Variants in STXBP6 observed in about 807,000 individuals in gnomAD.
STXBP6 encodes the protein syntaxin-binding protein 6.
STXBP6 carries 21 observed loss-of-function variants against 26.9 expected under a neutral mutation model. The ratio of observed to expected loss-of-function variants is 0.78; its 90% confidence interval spans 0.55 to 1.12. STXBP6 has a LOEUF of 1.12. Among genes scored for constraint, STXBP6 ranks in the 50% most tolerant of loss-of-function variants. The pLI is 0.00. For missense variants in STXBP6, 232 were observed against 257.9 expected, an observed-to-expected ratio of 0.90 and a Z score of 0.69; for synonymous variants, 97 against 92.6, an observed-to-expected ratio of 1.05 and a Z score of -0.27.
rs1397517920 is a variant in STXBP6 at position 24,855,933 on chromosome 14, C to T, written c.451+3G>A. ...GACTAAAGTCACACAAATGTCCACT[C>T]ACCTCCCATAATTTTGGATTGGCAG... On this transcript the variant is annotated splice_donor_region_variant and intron_variant, in intron 4 of 5. Coordinates refer to ENST00000323944, the MANE Select transcript of STXBP6 (RefSeq NM_001394410.1). The T allele has an allele frequency of 1.9e-6, 3 of 1,597,668 alleles. No homozygotes were observed. The South Asian group carries it at 3.4e-5, about 18-fold the overall frequency.
At chr14:24,935,731 T>C (rs1233155125) in intron 2 of STXBP6, among the ~76,000 whole-genome samples, 1 of 152,222 alleles carries the variant, frequency 6.6e-6, no homozygotes, top group Admixed American at 6.5e-5. Flanking sequence ...AAAATACAAT[T>C]ATACTAGATT....
In STXBP6 at chr14:25,013,881, G is replaced by GA. The variant is rs1263756334; in HGVS notation, c.-33+35996dup. ...TACAAACTAAAGAGAAAAATAATGA[G>GA]AAAAACAAACAAATGTGAACACTGA... On this transcript the variant is annotated intron_variant, in intron 1 of 5. Coordinates refer to ENST00000323944, the MANE Select transcript of STXBP6 (RefSeq NM_001394410.1). Among the ~76,000 whole-genome samples the GA allele has an allele frequency of 2.6e-5, 4 of 152,194 alleles. No individual in the cohort carries two copies. In the East Asian group the frequency reaches 7.7e-4, roughly 29 times the overall value.
intron 1 of STXBP6, among the ~76,000 whole-genome samples, chr14:25,023,141 A>G (rs2075289354): frequency 6.6e-6 from 1 of 152,238 alleles, no homozygotes; most frequent in South Asian, 2.1e-4. Flanking sequence ...AGCGGGGATC[A>G]TTAAGATATG....
intron 1 of STXBP6, among the ~76,000 whole-genome samples, chr14:25,002,766 A>G (rs896546839): frequency 1.4e-5 from 2 of 148,110 alleles, no homozygotes; most frequent in Non-Finnish European, 3.0e-5. Context: ...TTAAATGTAC[A>G]GATTCTTTTT....
intron 1 of STXBP6, among the ~76,000 whole-genome samples, chr14:25,017,443 A>G (rs1595328258): frequency 1.3e-5 from 2 of 152,328 alleles, no homozygotes; most frequent in East Asian, 3.9e-4. Flanking sequence ...GCTTTTTAGG[A>G]AGCAGAAACT....
rs193174312 is a variant in STXBP6 at position 24,866,745 on chromosome 14, C to T, written c.155-9588G>A. 2.7e-5 allele frequency among the ~76,000 whole-genome samples: 4 copies of T among 150,706 alleles called. No homozygotes were observed. In the East Asian group the frequency reaches 8.0e-4, roughly 30 times the overall value. On this transcript the variant is annotated intron_variant, in intron 2 of 5. Coordinates refer to ENST00000323944, the MANE Select transcript of STXBP6 (RefSeq NM_001394410.1). ...CTCAAACAAACCATGGTATGTCTGT[C>T]CACAGGAATACTCTACAGATTCCAG... is the stretch of plus-strand genomic sequence containing the variant.
intron 2 of STXBP6, among the ~76,000 whole-genome samples, chr14:24,938,334 A>G (rs2072675273): frequency 6.6e-6 from 1 of 152,196 alleles, no homozygotes; most frequent in South Asian, 2.1e-4. Flanking sequence ...TCAGTCAGGC[A>G]AAGATTTTGT....
intron 1 of STXBP6, among the ~76,000 whole-genome samples, chr14:24,986,523 G>A (rs1254160218): frequency 6.6e-6 from 1 of 152,148 alleles, no homozygotes; most frequent in Non-Finnish European, 1.5e-5. Context: ...ACCATACCAG[G>A]AGCCTGGATC....
At chr14:24,955,572 T>C (rs978966977) in intron 2 of STXBP6, among the ~76,000 whole-genome samples, 2 of 152,190 alleles carry the variant, frequency 1.3e-5, no homozygotes, top group Non-Finnish European at 2.9e-5. Context: ...CATTAATCAC[T>C]AGCAAGGCTG....
At position 24,830,946 on chromosome 14, in the gene STXBP6, C is replaced by T. The variant is rs188795038; in HGVS notation, c.452-11752G>A. On this transcript the variant is annotated intron_variant, in intron 4 of 5. Coordinates refer to ENST00000323944, the MANE Select transcript of STXBP6 (RefSeq NM_001394410.1). ...AGAGGCAGCTATAAGAGTGTTAAGA[C>T]AATTTAATGGAAAAAAATTGTCTTT... 2.8e-3 allele frequency among the ~76,000 whole-genome samples: 431 copies of T among 152,184 alleles called. 4 individuals are homozygous for T. Among genetic ancestry groups the T allele is most frequent in the African/African-American group, 0.01 (419 of 41,534 alleles).
intron 1 of STXBP6, among the ~76,000 whole-genome samples, chr14:25,010,843 A>G (rs2075012029): frequency 1.3e-5 from 2 of 152,166 alleles, no homozygotes; most frequent in African/African-American, 2.4e-5. Flanking sequence ...AAATTTTGAC[A>G]AGACCAATGG....
intron 4 of STXBP6, among the ~76,000 whole-genome samples, chr14:24,838,638 C>T (rs550914232): frequency 2.0e-5 from 3 of 151,732 alleles, no homozygotes; most frequent in Non-Finnish European, 4.4e-5. Flanking sequence ...GAGCCGAGAT[C>T]GCACCACTGC....
In STXBP6 at chr14:25,049,687, G is replaced by A. The variant is rs2075776150; in HGVS notation, c.-33+191C>T. The A allele has an allele frequency of 1.0e-6, 1 of 985,728 alleles. No individual in the cohort carries two copies. The highest frequency in any genetic ancestry group is 1.7e-5 in the African/African-American group (1 of 57,248). 61.1% of individuals were successfully genotyped at this position (985,728 alleles called of 1,614,324 possible). A position where few individuals can be genotyped will look rare whatever the true frequency, so the allele number is the denominator to read the frequency against. ...TGCGCGCACAAAGCAGCTGCGCCGG[G>A]GCGCGCGGCCCCCTCTCCCGCCACC... On this transcript the variant is annotated intron_variant, in intron 1 of 5. Coordinates refer to ENST00000323944, the MANE Select transcript of STXBP6 (RefSeq NM_001394410.1). The surrounding 1 kb of genome is among the most constrained non-coding windows in gnomAD (Gnocchi z 5.6).
intron 2 of STXBP6, among the ~76,000 whole-genome samples, chr14:24,930,498 T>G (rs529483532): frequency 3.9e-4 from 59 of 152,320 alleles, no homozygotes; most frequent in African/African-American, 1.4e-3. Flanking sequence ...TACTTGATTC[T>G]CTGTGAACTA....
chr14:24,891,107 T>G (rs1318644978), intron 2 of STXBP6, among the ~76,000 whole-genome samples: 1 of 152,154 alleles, frequency 6.6e-6, no homozygotes, highest in Non-Finnish European at 1.5e-5. Flanking sequence ...AGGAGTTTCC[T>G]AAGGAAGGGC....
intron 4 of STXBP6, among the ~76,000 whole-genome samples, chr14:24,847,880 T>G (rs527887871): frequency 1.2e-4 from 19 of 152,192 alleles, no homozygotes; most frequent in Non-Finnish European, 2.5e-4. Flanking sequence ...CAGTAACATG[T>G]GCACTCTATA....
chr14:25,010,183 T>C (rs2074997395), intron 1 of STXBP6, among the ~76,000 whole-genome samples: 1 of 152,182 alleles, frequency 6.6e-6, no homozygotes, highest in Non-Finnish European at 1.5e-5. Flanking sequence ...GCTGTTAAGT[T>C]ATGGCTCACT....
chr14:24,840,947 T>C (rs2068765880), intron 4 of STXBP6, among the ~76,000 whole-genome samples: 1 of 152,204 alleles, frequency 6.6e-6, no homozygotes, highest in Non-Finnish European at 1.5e-5. Context: ...CTTATTACTT[T>C]TGTTTAGAAT....
intron 4 of STXBP6, among the ~76,000 whole-genome samples, chr14:24,850,301 G>A (rs2069104749): frequency 6.6e-6 from 1 of 152,096 alleles, no homozygotes; most frequent in Non-Finnish European, 1.5e-5. Flanking sequence ...GCAGGGGCAA[G>A]TGAGGGCCAG....
Sources: gnomAD v4.1 joint callset for allele counts (sites outside exome capture counted in the v4.1 genomes callset) on GRCh38, gnomAD v4.1.1 for gene constraint, Gnocchi (gnomAD v3.1) non-coding constraint, MANE v1.5 for transcripts, NCBI Gene and HGNC (gene_info 2026-07-23, HGNC 2026-07-21) for gene names.